Variants in FOXN3 observed in about 807,000 individuals in gnomAD.
FOXN3 encodes the protein forkhead box N3, also known as forkhead box protein N3.
Under a neutral mutation model 38.4 loss-of-function variants are expected in FOXN3, and 7 were observed. The ratio of observed to expected loss-of-function variants is 0.18; its 90% confidence interval spans 0.10 to 0.34. The LOEUF is 0.34. Ranked by LOEUF, FOXN3 falls within the 10% of genes least tolerant of loss-of-function variation. The probability of loss-of-function intolerance (pLI) is 1.00; values close to 1 mark genes in which losing one functional copy is unlikely to be tolerated. For missense variants in FOXN3, 456 were observed against 613.4 expected, an observed-to-expected ratio of 0.74 and a Z score of 2.71; for synonymous variants, 230 against 242.2, an observed-to-expected ratio of 0.95 and a Z score of 0.47.
intron 4 of FOXN3, among the ~76,000 whole-genome samples, chr14:89,235,385 C>T (rs1174892532): frequency 1.3e-5 from 2 of 152,044 alleles, no homozygotes; most frequent in Non-Finnish European, 2.9e-5. Context: ...GTGTGAGGGG[C>T]TTCTGCCAAC....
At chr14:89,331,846 T>A (rs2139987064) in intron 3 of FOXN3, among the ~76,000 whole-genome samples, 1 of 150,696 alleles carries the variant, frequency 6.6e-6, no homozygotes, top group East Asian at 2.0e-4. Context: ...TTGTAACCCC[T>A]ACATTGATTT....
chr14:89,290,801 G>C (rs1886845866), intron 3 of FOXN3: 1 of 271,538 alleles, frequency 3.7e-6, no homozygotes, highest in African/African-American at 2.3e-5. Flanking sequence ...CCCTGGTTCT[G>C]CAGGGTTAGG....
chr14:89,317,827 G>A (rs187117118), intron 3 of FOXN3, among the ~76,000 whole-genome samples: 5 of 151,418 alleles, frequency 3.3e-5, no homozygotes, highest in Admixed American at 2.0e-4. Context: ...GCCTGACTTC[G>A]CCTCCCTCCT....
At chr14:89,306,523 C>G (rs376554553) in intron 3 of FOXN3, among the ~76,000 whole-genome samples, 1 of 152,140 alleles carries the variant, frequency 6.6e-6, no homozygotes, top group Non-Finnish European at 1.5e-5. Context: ...CCCACCACCA[C>G]GCCCGGCTAA....
At chr14:89,199,148 G>C (rs1596097409) in intron 4 of FOXN3, among the ~76,000 whole-genome samples, 1 of 152,122 alleles carries the variant, frequency 6.6e-6, no homozygotes, top group Non-Finnish European at 1.5e-5. Context: ...TTCCCTTTTG[G>C]CTGAAGGTTA....
chr14:89,381,532 C>CAAAAAA (rs71897384), intron 2 of FOXN3, among the ~76,000 whole-genome samples: 31 of 75,928 alleles, frequency 4.1e-4, no homozygotes, highest in Non-Finnish European at 5.6e-4. Flanking sequence ...CCTCAAAAAG[C>CAAAAAA]AAAAAAAAAA....
intron 4 of FOXN3, among the ~76,000 whole-genome samples, chr14:89,224,997 T>G (rs997572147): frequency 1.3e-5 from 2 of 151,606 alleles, no homozygotes; most frequent in Non-Finnish European, 2.9e-5. Flanking sequence ...GGTGTGGTGG[T>G]GCGTGCCTAT....
intron 4 of FOXN3, among the ~76,000 whole-genome samples, chr14:89,184,946 A>C (rs1887766013): frequency 6.6e-6 from 1 of 152,190 alleles, no homozygotes; most frequent in East Asian, 1.9e-4. Flanking sequence ...TCCTAACTGC[A>C]TTTACCTATT....
chr14:89,165,634 A>T (rs1887221638), intron 5 of FOXN3, among the ~76,000 whole-genome samples: 1 of 152,236 alleles, frequency 6.6e-6, no homozygotes, highest in African/African-American at 2.4e-5. Context: ...TTGGGTGCAT[A>T]AAGATGGCTG....
At chr14:89,496,990 T>C (rs1359926801) in intron 1 of FOXN3, among the ~76,000 whole-genome samples, 3 of 152,252 alleles carry the variant, frequency 2.0e-5, no homozygotes, top group East Asian at 1.9e-4. Flanking sequence ...AGTCTTGCTC[T>C]ATCTCCCAGG....
intron 2 of FOXN3, among the ~76,000 whole-genome samples, chr14:89,381,469 G>A (rs2140067236): frequency 7.6e-6 from 1 of 131,718 alleles, no homozygotes; most frequent in East Asian, 2.5e-4. Flanking sequence ...TCCTGGCCAT[G>A]TAAAGTGTGC....
chr14:89,253,430 T>C (rs1217421164), intron 4 of FOXN3, among the ~76,000 whole-genome samples: 1 of 152,148 alleles, frequency 6.6e-6, no homozygotes, highest in Non-Finnish European at 1.5e-5. Context: ...TGATCCATCC[T>C]GTTTGCCCTG....
At chr14:89,584,511 G>A (rs1895807439) in intron 1 of FOXN3, among the ~76,000 whole-genome samples, 1 of 152,108 alleles carries the variant, frequency 6.6e-6, no homozygotes, top group Admixed American at 6.5e-5. Context: ...CAGAGTATGA[G>A]AGTTTCCGTT....
intron 1 of FOXN3, among the ~76,000 whole-genome samples, chr14:89,448,459 CA>C (rs1892554292): frequency 6.6e-6 from 1 of 152,036 alleles, no homozygotes; most frequent in East Asian, 1.9e-4. Flanking sequence ...TGCACCACAC[CA>C]TCCTGTACAC....
At chr14:89,575,874 G>A (rs1052946365) in intron 1 of FOXN3, among the ~76,000 whole-genome samples, 3 of 152,220 alleles carry the variant, frequency 2.0e-5, no homozygotes, top group African/African-American at 4.8e-5. Context: ...CGGCCTCCAC[G>A]CAGCGCCTGT....
intron 2 of FOXN3, among the ~76,000 whole-genome samples, chr14:89,383,093 C>T (rs1466520703): frequency 7.7e-6 from 1 of 129,994 alleles, no homozygotes; most frequent in East Asian, 2.5e-4. Flanking sequence ...GTGAATTACA[C>T]TGCGGTAGCC....
intron 4 of FOXN3, among the ~76,000 whole-genome samples, chr14:89,248,316 T>C (rs1243255887): frequency 6.6e-6 from 1 of 152,258 alleles, no homozygotes; most frequent in Non-Finnish European, 1.5e-5. Flanking sequence ...ATTTCAGTTT[T>C]AGTTCCACCT....
intron 1 of FOXN3, among the ~76,000 whole-genome samples, chr14:89,540,146 G>C (rs920132258): frequency 1.3e-4 from 20 of 152,220 alleles, no homozygotes; most frequent in Non-Finnish European, 2.1e-4. Flanking sequence ...CATGGTAGTA[G>C]AAGGTAATGC....
At chr14:89,306,163 G>A (rs1232213940) in intron 3 of FOXN3, among the ~76,000 whole-genome samples, 1 of 152,186 alleles carries the variant, frequency 6.6e-6, no homozygotes, top group Non-Finnish European at 1.5e-5. Context: ...GTGGAGAAGA[G>A]TTTTTCAGTC....
Sources: gnomAD v4.1 joint callset for allele counts (sites outside exome capture counted in the v4.1 genomes callset) on GRCh38, gnomAD v4.1.1 for gene constraint, MANE v1.5 for transcripts, NCBI Gene and HGNC (gene_info 2026-07-23, HGNC 2026-07-21) for gene names.